Variants in CDK15 observed in about 807,000 individuals in gnomAD.
The protein encoded by CDK15 is cyclin dependent kinase 15, also known as cyclin-dependent kinase 15.
CDK15 carries 62 observed loss-of-function variants against 60.3 expected under a neutral mutation model. The observed-to-expected ratio is 1.03, with a 90% CI of 0.84 to 1.27. The LOEUF (loss-of-function observed/expected upper bound fraction) is 1.27. Among genes scored for constraint, CDK15 ranks in the 50% most tolerant of loss-of-function variants. The pLI is 0.00. For missense variants in CDK15, 541 were observed against 527.8 expected (o/e 1.03, Z -0.25); for synonymous variants, 194 against 195.7 (o/e 0.99, Z 0.07).
At chr2:201,845,803 A>T (rs1697627739) in intron 8 of CDK15, among the ~76,000 whole-genome samples, 1 of 151,418 alleles carries the variant, frequency 6.6e-6, no homozygotes, top group Non-Finnish European at 1.5e-5. Context: ...AGTTTGCAAA[A>T]TTATGTGGTA....
Position 201,855,442 on chromosome 2 carries a change from C to T in CDK15, c.1009+505C>T, listed in dbSNP as rs561038671. Among the ~76,000 whole-genome samples the T allele has an allele frequency of 2.6e-5, 4 of 152,276 alleles. No individual in the cohort carries two copies. In the East Asian group the frequency reaches 7.7e-4, roughly 29 times the overall value. On this transcript the variant is annotated intron_variant, in intron 10 of 13. Coordinates refer to ENST00000652192, the MANE Select transcript of CDK15 (RefSeq NM_001366386.2). ...TAAACCTGACACTTGGTCATTGTCT[C>T]TCACACATTTCATCTTTCAAGACTG...
intron 10 of CDK15, among the ~76,000 whole-genome samples, chr2:201,855,774 T>C (rs1055612104): frequency 6.6e-6 from 1 of 152,114 alleles, no homozygotes; most frequent in Admixed American, 6.5e-5. Context: ...CTTTATGGTC[T>C]TACATTGTTC....
chr2:201,820,749 T>A (rs1208473497), intron 4 of CDK15, among the ~76,000 whole-genome samples: 2 of 152,206 alleles, frequency 1.3e-5, no homozygotes, highest in South Asian at 2.1e-4. Context: ...AATTCCCATG[T>A]GGCCTTCAGT....
intron 12 of CDK15, among the ~76,000 whole-genome samples, chr2:201,886,326 G>T (rs1416610206): frequency 1.3e-5 from 2 of 150,640 alleles, no homozygotes; most frequent in Non-Finnish European, 3.0e-5. Context: ...TGGGTTTTAA[G>T]ATTTTTTTTT....
intron 6 of CDK15, among the ~76,000 whole-genome samples, chr2:201,825,312 C>CAAAAAAAAAAA (rs200857853): frequency 1.1e-5 from 1 of 86,974 alleles, no homozygotes; most frequent in African/African-American, 4.4e-5. Flanking sequence ...GACTCCAACT[C>CAAAAAAAAAAA]AAAAAAAAAA....
At chr2:201,883,540 T>C (rs575358687) in intron 12 of CDK15, among the ~76,000 whole-genome samples, 1 of 152,382 alleles carries the variant, frequency 6.6e-6, no homozygotes, top group Non-Finnish European at 1.5e-5. Context: ...AGTTTCCTTT[T>C]GGACAGCACC....
chr2:201,872,308 T>G lies in CDK15; in HGVS notation c.1040T>G (p.Leu347Arg). 2 of 1,613,992 alleles carry G rather than the reference T, an allele frequency of 1.2e-6. No individual in the cohort carries two copies. Among genetic ancestry groups the G allele is most frequent in the African/African-American group, 2.7e-5 (2 of 74,900 alleles). Residue 347 changes from leucine (L) to arginine (R), a missense_variant, in exon 11 of 14, where the codon CTT (leucine) becomes CGT (arginine). Transcript: ENST00000652192. ...EWFPLPTPRS[L>R]HVVWNRLGRV... is the part of the protein sequence containing the mutation. ...TTCCCACTGCCTACGCCTCGAAGCC[T>G]TCATGTTGTCTGGAACAGGTGAGTA... is the stretch of plus-strand genomic sequence containing the variant.
chr2:201,889,089 C>T, intron 12 of CDK15: 1 of 985,286 alleles, frequency 1.0e-6, no homozygotes, highest in Non-Finnish European at 1.2e-6. Context: ...CCCAGATTAC[C>T]CACAGCATTT....
At chr2:201,891,029 G>A in intron 13 of CDK15, 102 bp downstream of exon 13, 1 of 609,940 alleles carries the variant, frequency 1.6e-6, no homozygotes, top group Admixed American at 3.1e-5. Context: ...CCTCTGTGCT[G>A]TTTCTAGTTC....
At chr2:201,812,355 A>T (rs1199924923) in intron 3 of CDK15, 128 bp from the exon 4 acceptor site, 1 of 562,956 alleles carries the variant, frequency 1.8e-6, no homozygotes, top group Non-Finnish European at 3.2e-6. Context: ...TTTTATTTTG[A>T]GAAAATTATA....
intron 8 of CDK15, among the ~76,000 whole-genome samples, chr2:201,836,185 ATTTTTT>A (rs1321241287): frequency 0.055 from 4,336 of 78,444 alleles, 228 homozygotes; most frequent in East Asian, 0.26. Flanking sequence ...TATTATATAT[ATTTTTT>A]TATATATATA....
chr2:201,824,511 G>C (rs928993704), intron 6 of CDK15: 1 of 228,158 alleles, frequency 4.4e-6, no homozygotes, highest in African/African-American at 2.3e-5. Context: ...TAGGCAGTGA[G>C]GGCCAGTCTT....
chr2:201,889,180 A>G, intron 12 of CDK15: 2 of 985,428 alleles, frequency 2.0e-6, no homozygotes, highest in Non-Finnish European at 2.4e-6. Flanking sequence ...TCCAGCAAAC[A>G]GTATTATTTA....
intron 3 of CDK15, among the ~76,000 whole-genome samples, chr2:201,808,363 C>T (rs1342647815): frequency 1.3e-5 from 2 of 152,332 alleles, no homozygotes; most frequent in South Asian, 2.1e-4. Context: ...GAATTTGCTG[C>T]TTCATTCCTC....
At chr2:201,864,025 A>G (rs1338695901) in intron 10 of CDK15, among the ~76,000 whole-genome samples, 2 of 152,188 alleles carry the variant, frequency 1.3e-5, no homozygotes, top group Non-Finnish European at 2.9e-5. Context: ...TTTTCATCCA[A>G]CCATCTACTT....
intron 10 of CDK15, among the ~76,000 whole-genome samples, chr2:201,870,264 T>G (rs2105814618): frequency 1.3e-5 from 2 of 152,312 alleles, no homozygotes; most frequent in East Asian, 3.9e-4. Context: ...CACCACTATC[T>G]AGTGAGTAGT....
chr2:201,858,056 T>C (rs1404126132), intron 10 of CDK15, among the ~76,000 whole-genome samples: 1 of 152,178 alleles, frequency 6.6e-6, no homozygotes, highest in Admixed American at 6.5e-5. Context: ...GGGAGTCCAG[T>C]TGTCCGGAAC....
intron 10 of CDK15, chr2:201,860,727 C>A: frequency 3.7e-6 from 5 of 1,352,142 alleles, no homozygotes; most frequent in Non-Finnish European, 4.9e-6. Context: ...GCTTTATCAA[C>A]TTCTGACCAC....
chr2:201,820,571 C>T (rs1696176142), intron 4 of CDK15, among the ~76,000 whole-genome samples: 1 of 152,196 alleles, frequency 6.6e-6, no homozygotes, highest in Admixed American at 6.5e-5. Flanking sequence ...AGAGCTTACT[C>T]AGATAGGAAG....
Sources: allele counts gnomAD v4.1 joint callset (sites outside exome capture counted in the v4.1 genomes callset), GRCh38; gene constraint gnomAD v4.1.1; transcripts MANE v1.5; gene names NCBI Gene and HGNC (gene_info 2026-07-23, HGNC 2026-07-21).